TCF12: variants seen among roughly 807,000 people sequenced by gnomAD.
TCF12 encodes transcription factor 12, also known as DNA-binding protein HTF4.
In TCF12, 45 loss-of-function variants were observed where a neutral mutation model predicts 86.0. That is an observed-to-expected ratio of 0.52 (90% CI 0.41 to 0.67). The LOEUF (loss-of-function observed/expected upper bound fraction) is 0.67. TCF12 is among the 30% of genes least tolerant of loss of function. The pLI is 0.00. For missense variants in TCF12, 881 were observed against 859.9 expected, an observed-to-expected ratio of 1.02 and a Z score of -0.31; for synonymous variants, 330 against 299.6, an observed-to-expected ratio of 1.10 and a Z score of -1.05.
chr15:56,935,870 T>TA (rs2060447482), intron 3 of TCF12, among the ~76,000 whole-genome samples: 1 of 152,164 alleles, frequency 6.6e-6, no homozygotes, highest in Non-Finnish European at 1.5e-5. Context: ...ATCATGTATA[T>TA]ATATACAGTT....
chr15:57,141,151 C>T (rs1287803507), intron 5 of TCF12, among the ~76,000 whole-genome samples: 2 of 152,184 alleles, frequency 1.3e-5, no homozygotes, highest in Non-Finnish European at 2.9e-5. Flanking sequence ...AGAAATACTT[C>T]TCCACTGGTA....
intron 3 of TCF12, among the ~76,000 whole-genome samples, chr15:56,978,471 TAGAG>T (rs1476008825): frequency 3.9e-5 from 6 of 152,116 alleles, no homozygotes; most frequent in South Asian, 2.1e-4. Flanking sequence ...ATTCCACTAA[TAGAG>T]AGTTACCCAG....
At chr15:56,999,215 GGGGGAGC>G (rs2063882580) in intron 3 of TCF12, among the ~76,000 whole-genome samples, 1 of 151,472 alleles carries the variant, frequency 6.6e-6, no homozygotes, top group African/African-American at 2.4e-5. Flanking sequence ...AAAAAGGGAG[GGGGGAGC>G]GGGGAGAAAC....
intron 3 of TCF12, among the ~76,000 whole-genome samples, chr15:57,045,768 A>C (rs1429670934): frequency 4.6e-5 from 7 of 151,722 alleles, no homozygotes; most frequent in African/African-American, 1.5e-4. Flanking sequence ...CTGTTCTCAA[A>C]CTGCTGGACC....
chr15:56,976,465 C>G (rs2062610733), intron 3 of TCF12, among the ~76,000 whole-genome samples: 1 of 151,648 alleles, frequency 6.6e-6, no homozygotes, highest in Admixed American at 6.6e-5. Context: ...TCTCGATCTC[C>G]TGACCTCGTC....
At chr15:57,089,082 G>A (rs1019891008) in intron 4 of TCF12, among the ~76,000 whole-genome samples, 6 of 152,180 alleles carry the variant, frequency 3.9e-5, no homozygotes, top group East Asian at 1.9e-4. Flanking sequence ...AGTTGTATGC[G>A]ATGTAAAACT....
chr15:57,165,451 G>A (rs1212975218), intron 5 of TCF12, among the ~76,000 whole-genome samples: 1 of 151,960 alleles, frequency 6.6e-6, no homozygotes, highest in East Asian at 1.9e-4. Context: ...ATATTTAAGA[G>A]TATAAAACAT....
intron 6 of TCF12, among the ~76,000 whole-genome samples, chr15:57,176,977 GAAGACGT>G (rs2055959634): frequency 6.6e-6 from 1 of 152,178 alleles, no homozygotes; most frequent in Non-Finnish European, 1.5e-5. Context: ...CGAAGATTAA[GAAGACGT>G]AAGACTAGCT....
At chr15:57,241,769 G>T (rs1193010083) in intron 12 of TCF12, among the ~76,000 whole-genome samples, 1 of 152,114 alleles carries the variant, frequency 6.6e-6, no homozygotes, top group Admixed American at 6.5e-5. Context: ...AAGGTGGGAG[G>T]GTCATCTGAG....
At chr15:57,289,886 C>A (rs2062046842), downstream of TCF12, 1 of 152,140 alleles carries the variant, frequency 6.6e-6, no homozygotes, top group East Asian at 1.9e-4. Flanking sequence ...GCCATCCTGT[C>A]AGAGGTAAAT....
intron 3 of TCF12, among the ~76,000 whole-genome samples, chr15:56,967,735 A>G (rs1567179057): frequency 2.0e-5 from 3 of 152,232 alleles, no homozygotes; most frequent in South Asian, 4.1e-4. Context: ...GTACAGCTCA[A>G]CTGCACTAGG....
intron 6 of TCF12, among the ~76,000 whole-genome samples, chr15:57,188,547 A>C (rs2056808223): frequency 1.3e-5 from 2 of 152,206 alleles, no homozygotes; most frequent in Non-Finnish European, 2.9e-5. Context: ...TGGAGTAGTT[A>C]CCCTTTCCAA....
chr15:57,288,497 T>C lies in TCF12; in HGVS notation c.*2352T>C, dbSNP rs2062004109. Reference sequence around the variant, plus strand: ...CATTTATGTAGCAATAAATGTGCCATCTTTTTTTTAACACAGTAAAATAGT... The same window carrying C: ...CATTTATGTAGCAATAAATGTGCCACCTTTTTTTTAACACAGTAAAATAGT... On this transcript the variant is annotated 3_prime_UTR_variant, in exon 21 of 21. Coordinates refer to ENST00000333725, the MANE Select transcript of TCF12 (RefSeq NM_207037.2). 6.6e-6 allele frequency: 1 copy of C among 152,622 alleles called. No homozygotes were observed. 9.5% of individuals were successfully genotyped at this position (152,622 alleles called of 1,614,324 possible).
intron 3 of TCF12, among the ~76,000 whole-genome samples, chr15:56,995,209 TC>T (rs2063643624): frequency 7.1e-6 from 1 of 140,356 alleles, no homozygotes. Flanking sequence ...CAGTTTGAAG[TC>T]AGGTAATGTG....
At chr15:56,968,445 T>C (rs1300811044) in intron 3 of TCF12, among the ~76,000 whole-genome samples, 2 of 151,658 alleles carry the variant, frequency 1.3e-5, no homozygotes, top group African/African-American at 4.8e-5. Context: ...CAGTAATAGC[T>C]ACTGCAGCCT....
intron 8 of TCF12, among the ~76,000 whole-genome samples, chr15:57,221,411 T>TGTGTGTGTGC (rs767502002): frequency 6.8e-6 from 1 of 147,346 alleles, no homozygotes; most frequent in African/African-American, 2.5e-5. Flanking sequence ...TGTGTGTGTG[T>TGTGTGTGTGC]GCACGTGTAT....
chr15:57,247,027 A>C, intron 13 of TCF12: 1 of 547,870 alleles, frequency 1.8e-6, no homozygotes, highest in Non-Finnish European at 3.6e-6. Flanking sequence ...CTTCCACCAA[A>C]AGTGCCCCCT....
At chr15:57,103,283 G>T (rs1432563484) in intron 5 of TCF12, among the ~76,000 whole-genome samples, 1 of 152,166 alleles carries the variant, frequency 6.6e-6, no homozygotes. Flanking sequence ...TATAAAGTAT[G>T]TAATTTTAAA....
Position 56,991,424 on chromosome 15 carries a change from G to T in TCF12, c.148+70326G>T, listed in dbSNP as rs116435885. ...AATTTGCATTGAAAGGGCTGAACTT[G>T]TGACCTTATGTTATCTTCCATATAA... On this transcript the variant is annotated intron_variant, in intron 3 of 20. Coordinates refer to ENST00000333725, the MANE Select transcript of TCF12 (RefSeq NM_207037.2). 1.5e-3 allele frequency among the ~76,000 whole-genome samples: 233 copies of T among 152,330 alleles called. 1 individual carries two copies. The highest frequency in any genetic ancestry group is 5.5e-3 in the African/African-American group (229 of 41,580).
Sources: allele counts gnomAD v4.1 joint callset (sites outside exome capture counted in the v4.1 genomes callset), GRCh38; gene constraint gnomAD v4.1.1; transcripts MANE v1.5; gene names NCBI Gene and HGNC (gene_info 2026-07-23, HGNC 2026-07-21).